The following SLC1A1 variants were observed in gnomAD, a reference collection of about 807,000 sequenced individuals.
The protein encoded by SLC1A1 is excitatory amino acid transporter 3.
A neutral mutation model predicts 53.3 loss-of-function variants in SLC1A1; 43 were observed. The ratio of observed to expected loss-of-function variants is 0.81; its 90% confidence interval spans 0.63 to 1.04. The LOEUF is 1.04. Among genes scored for constraint, SLC1A1 ranks in the 50% least tolerant of loss-of-function variants. The pLI, the probability that SLC1A1 is intolerant of heterozygous loss-of-function variation, is 0.00. For missense variants in SLC1A1, 748 were observed against 664.9 expected (o/e 1.12, Z -1.37); for synonymous variants, 307 against 243.2 (o/e 1.26, Z -2.44).
chr9:4,576,718 A>C lies in SLC1A1; in HGVS notation c.1148A>C (p.Gln383Pro). 1 of 1,614,216 alleles carries C rather than the reference A, an allele frequency of 6.2e-7. No individual in the cohort carries two copies. The highest frequency in any genetic ancestry group is 8.5e-7 in the Non-Finnish European group (1 of 1,180,034). The change falls in exon 10 of 12, where the codon CAG becomes CCG. Residue 383 changes from glutamine (Q) to proline (P), a missense_variant. Coordinates refer to ENST00000262352, the MANE Select transcript of SLC1A1 (RefSeq NM_004170.6). ...YEAVAAVFIA[Q>P]LNDLDLGIGQ... ...GCAGTGGCAGCGGTGTTTATTGCACAGTTGAATGACCTGGACTTGGGCATT... is the reference window on the plus strand; with the variant it reads ...GCAGTGGCAGCGGTGTTTATTGCACCGTTGAATGACCTGGACTTGGGCATT...
intron 1 of SLC1A1, among the ~76,000 whole-genome samples, chr9:4,536,907 G>A (rs564086494): frequency 6.6e-5 from 10 of 152,008 alleles, no homozygotes; most frequent in Admixed American, 1.3e-4. Flanking sequence ...CATGTATGAA[G>A]CTGGAAACCA....
chr9:4,523,932 A>T (rs1816173184), intron 1 of SLC1A1, among the ~76,000 whole-genome samples: 1 of 152,226 alleles, frequency 6.6e-6, no homozygotes, highest in Non-Finnish European at 1.5e-5. Flanking sequence ...GTCTCTTCTT[A>T]AAGAGCCTGC....
At chr9:4,581,516 C>A (rs1821095951) in intron 10 of SLC1A1, among the ~76,000 whole-genome samples, 1 of 152,214 alleles carries the variant, frequency 6.6e-6, no homozygotes, top group Non-Finnish European at 1.5e-5. Flanking sequence ...TCAAGCCCAG[C>A]CTCAGGCTAT....
rs1055277910 is a variant in SLC1A1, at chr9:4,512,924, C to T, written c.91+22154C>T. Among the ~76,000 whole-genome samples, 105 of 152,176 alleles carry T rather than the reference C, an allele frequency of 6.9e-4. 1 individual carries two copies. The highest frequency in any genetic ancestry group is 2.5e-3 in the African/African-American group (102 of 41,512). Reference sequence around the variant, plus strand: ...AGATTGCAGGTGTGAGCCACTGTACCTGGCCCTCCAATTGATTTTTGACAA... The same window carrying T: ...AGATTGCAGGTGTGAGCCACTGTACTTGGCCCTCCAATTGATTTTTGACAA... On this transcript the variant is annotated intron_variant, in intron 1 of 11. Transcript: ENST00000262352.
chr9:4,516,431 C>T (rs758714188), intron 1 of SLC1A1, among the ~76,000 whole-genome samples: 6 of 152,156 alleles, frequency 3.9e-5, no homozygotes, highest in Non-Finnish European at 8.8e-5. Flanking sequence ...AATTAATGAA[C>T]TGATTCATAC....
At chr9:4,496,245 G>A (rs575425763) in intron 1 of SLC1A1, among the ~76,000 whole-genome samples, 1 of 152,262 alleles carries the variant, frequency 6.6e-6, no homozygotes, top group African/African-American at 2.4e-5. Flanking sequence ...GGGGGCAGGA[G>A]TGAGAGGGTC....
chr9:4,496,106 A>C (rs909154428), intron 1 of SLC1A1, among the ~76,000 whole-genome samples: 2 of 152,146 alleles, frequency 1.3e-5, no homozygotes, highest in African/African-American at 4.8e-5. Flanking sequence ...AAAAGGGAGA[A>C]GAGAAGACCA....
chr9:4,531,099 A>C (rs1194309839), intron 1 of SLC1A1, among the ~76,000 whole-genome samples: 1 of 152,170 alleles, frequency 6.6e-6, no homozygotes, highest in African/African-American at 2.4e-5. Context: ...GCCAAATAGG[A>C]AGAGCTCCAG....
chr9:4,503,998 C>T (rs1167955893), intron 1 of SLC1A1, among the ~76,000 whole-genome samples: 1 of 152,132 alleles, frequency 6.6e-6, no homozygotes, highest in Non-Finnish European at 1.5e-5. Context: ...GGAATGGGGA[C>T]CCCAGAAGAA....
At chr9:4,558,813 T>C (rs925777858) in intron 2 of SLC1A1, among the ~76,000 whole-genome samples, 10 of 152,156 alleles carry the variant, frequency 6.6e-5, no homozygotes, top group African/African-American at 2.4e-4. Context: ...CTGCTTAAAC[T>C]GGACATCTAC....
At chr9:4,519,683 A>G (rs1479357531) in intron 1 of SLC1A1, among the ~76,000 whole-genome samples, 1 of 152,166 alleles carries the variant, frequency 6.6e-6, no homozygotes, top group Non-Finnish European at 1.5e-5. Context: ...TACTCTTCTC[A>G]TTTCTCTTTA....
At chr9:4,535,758 C>A (rs903858056) in intron 1 of SLC1A1, among the ~76,000 whole-genome samples, 3 of 152,088 alleles carry the variant, frequency 2.0e-5, no homozygotes, top group Non-Finnish European at 2.9e-5. Flanking sequence ...CAAGTCAATC[C>A]TAAGCCAAAA....
chr9:4,574,079 T>C (rs1391246009), intron 8 of SLC1A1, 65 bp downstream of exon 8: 29 of 1,137,054 alleles, frequency 2.6e-5, no homozygotes, highest in Admixed American at 8.4e-5. Flanking sequence ...CGCTGAGAGG[T>C]TGGGTTTCAG....
Position 4,530,628 on chromosome 9 carries a change from G to A in SLC1A1, c.92-13939G>A, listed in dbSNP as rs573614144. Among the ~76,000 whole-genome samples the A allele has an allele frequency of 2.8e-4, 42 of 152,240 alleles. No individual in the cohort carries two copies. The South Asian group carries it at 7.9e-3, about 29-fold the overall frequency. ...GAAAGATGACTCAATGTAAATAATC[G>A]TTGCTATTGACAAAACAGTGCAAAC... On this transcript the variant is annotated intron_variant, in intron 1 of 11. Transcript: ENST00000262352.
Position 4,546,609 on chromosome 9 carries a change from C to T in SLC1A1, c.232+1902C>T, listed in dbSNP as rs73641468. 4.8e-3 allele frequency among the ~76,000 whole-genome samples: 728 copies of T among 152,268 alleles called. 8 individuals are homozygous for T. Among genetic ancestry groups the T allele is most frequent in the African/African-American group, 0.017 (687 of 41,548 alleles). On this transcript the variant is annotated intron_variant, in intron 2 of 11. Coordinates refer to ENST00000262352, the MANE Select transcript of SLC1A1 (RefSeq NM_004170.6). ...TTCACTCTTACGTTACCTGCCTGGC[C>T]GCCGTAAGGATGGCAGTTATAATCC...
chr9:4,583,066 G>GAGC lies in SLC1A1; in HGVS notation c.1222_1223insAGC (p.Ala408delinsGluPro). 1 of 1,614,238 alleles carries GAGC rather than the reference G, an allele frequency of 6.2e-7. No homozygotes were observed. The highest frequency in any genetic ancestry group is 1.1e-5 in the South Asian group (1 of 91,082). ...CACGGCCACATCTGCCAGCATCGGA[G>GAGC]CTGCTGGCGTGCCCCAGGCTGGCCT... On this transcript the variant is annotated protein_altering_variant, in exon 11 of 12. Coordinates refer to ENST00000262352, the MANE Select transcript of SLC1A1 (RefSeq NM_004170.6). The surrounding 1 kb of genome is among the most constrained non-coding windows in gnomAD (Gnocchi z 4.6).
rs1020991638 is a variant in SLC1A1, at chr9:4,576,885, C to T, written c.1193+122C>T. On this transcript the variant is annotated intron_variant, in intron 10 of 11. Coordinates refer to ENST00000262352, the MANE Select transcript of SLC1A1 (RefSeq NM_004170.6). ...AATTCTTTTTCTTGATCTATAAAGT[C>T]CCTTCCCAAGATTAAATACGACTAT... The T allele has an allele frequency of 7.3e-6, 7 of 952,384 alleles. No homozygotes were observed. In the East Asian group the frequency reaches 1.2e-4, roughly 17 times the overall value. 59.0% of individuals were successfully genotyped at this position (952,384 alleles called of 1,614,324 possible).
chr9:4,491,925 C>T (rs933662467), intron 1 of SLC1A1, among the ~76,000 whole-genome samples: 2 of 152,204 alleles, frequency 1.3e-5, no homozygotes, highest in African/African-American at 4.8e-5. Flanking sequence ...ACCGCCCCCT[C>T]CCCTCAGGGT....
At chr9:4,515,611 A>AACATCATTGTGAAGC (rs148553566) in intron 1 of SLC1A1, among the ~76,000 whole-genome samples, 1 of 143,530 alleles carries the variant, frequency 7.0e-6, no homozygotes, top group Non-Finnish European at 1.5e-5. Context: ...GATGAACATC[A>AACATCATTGTGAAGC]ACAATGTCAA....
Sources: allele counts gnomAD v4.1 joint callset (sites outside exome capture counted in the v4.1 genomes callset), GRCh38; gene constraint gnomAD v4.1.1; non-coding constraint Gnocchi (gnomAD v3.1); transcripts MANE v1.5; gene names NCBI Gene and HGNC (gene_info 2026-07-23, HGNC 2026-07-21).